Variants in RALYL observed in about 807,000 individuals in gnomAD.
RALYL encodes the protein RNA-binding Raly-like protein.
A neutral mutation model predicts 35.1 loss-of-function variants in RALYL; 29 were observed. The observed-to-expected ratio is 0.83, with a 90% CI of 0.61 to 1.13. The LOEUF (loss-of-function observed/expected upper bound fraction) is 1.13. RALYL is among the 50% of genes most tolerant of loss of function. The pLI, the probability that RALYL is intolerant of heterozygous loss-of-function variation, is 0.00. For missense variants in RALYL, 359 were observed against 360.4 expected, an observed-to-expected ratio of 1.00 and a Z score of 0.03; for synonymous variants, 120 against 127.6, an observed-to-expected ratio of 0.94 and a Z score of 0.40.
intron 2 of RALYL, among the ~76,000 whole-genome samples, chr8:84,712,372 C>T (rs914866401): frequency 6.6e-6 from 1 of 152,102 alleles, no homozygotes; most frequent in Non-Finnish European, 1.5e-5. Flanking sequence ...TATTGGTCTG[C>T]CTCATATCCT....
At chr8:84,545,425 A>C (rs1179708429) in intron 2 of RALYL, among the ~76,000 whole-genome samples, 2 of 152,172 alleles carry the variant, frequency 1.3e-5, no homozygotes, top group East Asian at 3.8e-4. Context: ...CTTTCAAATA[A>C]AATTTTTATT....
At chr8:84,409,279 ATATTG>A (rs769975864) in intron 1 of RALYL, among the ~76,000 whole-genome samples, 1 of 152,244 alleles carries the variant, frequency 6.6e-6, no homozygotes, top group East Asian at 1.9e-4. Context: ...AATTACTCAA[ATATTG>A]TATTGAGTGC....
intron 1 of RALYL, among the ~76,000 whole-genome samples, chr8:84,216,002 G>A (rs191580969): frequency 3.9e-5 from 6 of 152,046 alleles, no homozygotes; most frequent in African/African-American, 1.4e-4. Flanking sequence ...TAGTCCCAGA[G>A]TAACATTTGA....
intron 2 of RALYL, among the ~76,000 whole-genome samples, chr8:84,747,382 T>C (rs1808856444): frequency 2.0e-5 from 3 of 151,922 alleles, no homozygotes; most frequent in Non-Finnish European, 1.5e-5. Flanking sequence ...TAGGTAATTG[T>C]TTTGAAATAA....
intron 1 of RALYL, among the ~76,000 whole-genome samples, chr8:84,502,913 TA>T (rs11312551): frequency 0.37 from 52,915 of 144,518 alleles, 9,509 homozygotes; most frequent in South Asian, 0.51. Flanking sequence ...ACCCACTCTT[TA>T]AAAAAAAAAA....
intron 1 of RALYL, among the ~76,000 whole-genome samples, chr8:84,228,151 TAGCA>T (rs1178746999): frequency 1.5e-5 from 1 of 65,514 alleles, no homozygotes; most frequent in Non-Finnish European, 2.7e-5. Context: ...AAGAATAGTC[TAGCA>T]AAAAAAAAAA....
At chr8:84,580,492 A>G (rs962730655) in intron 2 of RALYL, among the ~76,000 whole-genome samples, 2 of 152,066 alleles carry the variant, frequency 1.3e-5, no homozygotes, top group African/African-American at 4.8e-5. Flanking sequence ...ATTTTAAACA[A>G]CCAGCTCTTA....
At chr8:84,870,999 C>G (rs79870978) in intron 6 of RALYL, among the ~76,000 whole-genome samples, 5 of 152,054 alleles carry the variant, frequency 3.3e-5, no homozygotes, top group East Asian at 1.9e-4. Flanking sequence ...CATTTGCTGC[C>G]CCCCCATTCT....
chr8:84,662,719 G>A (rs934735787), intron 2 of RALYL, among the ~76,000 whole-genome samples: 3 of 151,984 alleles, frequency 2.0e-5, no homozygotes, highest in Non-Finnish European at 2.9e-5. Context: ...TTATGGAAAT[G>A]TATTTTAATA....
chr8:84,271,601 A>G (rs944648410), intron 1 of RALYL, among the ~76,000 whole-genome samples: 3 of 151,930 alleles, frequency 2.0e-5, no homozygotes, highest in Admixed American at 6.6e-5. Context: ...AATGACCATC[A>G]TCTTGTGAAT....
intron 8 of RALYL, among the ~76,000 whole-genome samples, chr8:84,918,347 A>C (rs1298721593): frequency 6.6e-6 from 1 of 152,042 alleles, no homozygotes; most frequent in Non-Finnish European, 1.5e-5. Context: ...TTCCATGTAG[A>C]TTAATACTAT....
rs569247621 is a variant in RALYL at position 84,201,292 on chromosome 8, T to A, written c.-24+16868T>A. Among the ~76,000 whole-genome samples the A allele has an allele frequency of 3.9e-5, 6 of 152,328 alleles. No homozygotes were observed. The East Asian group carries it at 1.2e-3, about 29-fold the overall frequency. On this transcript the variant is annotated intron_variant, in intron 1 of 8. Coordinates refer to ENST00000521268, the MANE Select transcript of RALYL (RefSeq NM_173848.7). ...TTGATTTAGTATCTTTGACTAAAACTTATGAATCAGTGAGAATTTGATGGG... is the reference window on the plus strand; with the variant it reads ...TTGATTTAGTATCTTTGACTAAAACATATGAATCAGTGAGAATTTGATGGG...
At chr8:84,785,165 G>A (rs1231826646) in intron 3 of RALYL, among the ~76,000 whole-genome samples, 2 of 152,052 alleles carry the variant, frequency 1.3e-5, no homozygotes, top group Non-Finnish European at 2.9e-5. Context: ...GATGTAGGGG[G>A]TACCTGAGCA....
intron 2 of RALYL, among the ~76,000 whole-genome samples, chr8:84,572,446 A>G (rs1289295180): frequency 6.6e-6 from 1 of 151,570 alleles, no homozygotes; most frequent in African/African-American, 2.4e-5. Context: ...ATCCATTTCC[A>G]CTTTTAGAAC....
intron 2 of RALYL, among the ~76,000 whole-genome samples, chr8:84,621,374 C>T (rs1366700885): frequency 1.3e-5 from 2 of 152,292 alleles, no homozygotes; most frequent in Middle Eastern, 3.4e-3. Context: ...TGCCGGCTGT[C>T]CCCCCTTTCT....
intron 1 of RALYL, among the ~76,000 whole-genome samples, chr8:84,194,494 A>G (rs1814738462): frequency 6.6e-6 from 1 of 152,214 alleles, no homozygotes; most frequent in Non-Finnish European, 1.5e-5. Context: ...TGCAGTGGAT[A>G]CAGCAATGCA....
At chr8:84,830,900 C>T (rs1830787975) in intron 4 of RALYL, among the ~76,000 whole-genome samples, 1 of 151,974 alleles carries the variant, frequency 6.6e-6, no homozygotes, top group Non-Finnish European at 1.5e-5. Flanking sequence ...TGGAAAATAT[C>T]AGTTAACTCT....
chr8:84,585,572 T>A (rs969200683), intron 2 of RALYL, among the ~76,000 whole-genome samples: 1 of 152,154 alleles, frequency 6.6e-6, no homozygotes, highest in African/African-American at 2.4e-5. Context: ...ATGTTCATAT[T>A]ATAGTAGAAA....
chr8:84,469,074 T>C (rs1384831134), intron 1 of RALYL, among the ~76,000 whole-genome samples: 1 of 152,182 alleles, frequency 6.6e-6, no homozygotes, highest in East Asian at 1.9e-4. Flanking sequence ...TTTCAACTTC[T>C]TTGCCTTCGG....
Sources: gnomAD v4.1 joint callset for allele counts (sites outside exome capture counted in the v4.1 genomes callset) on GRCh38, gnomAD v4.1.1 for gene constraint, MANE v1.5 for transcripts, NCBI Gene and HGNC (gene_info 2026-07-23, HGNC 2026-07-21) for gene names.